Variants in TSHZ2 observed in about 807,000 individuals in gnomAD.
The protein encoded by TSHZ2 is teashirt zinc finger homeobox 2.
Under a neutral mutation model 74.4 loss-of-function variants are expected in TSHZ2, and 21 were observed. The ratio of observed to expected loss-of-function variants is 0.28; its 90% CI spans 0.20 to 0.41. TSHZ2 has a LOEUF of 0.41. Among genes scored for constraint, TSHZ2 ranks in the 10% least tolerant of loss-of-function variants. The pLI is 1.00. For synonymous variants in TSHZ2, 540 were observed against 515.3 expected, an observed-to-expected ratio of 1.05 and a Z score of -0.65; for missense variants, 1,244 against 1,293.5, an observed-to-expected ratio of 0.96 and a Z score of 0.59.
chr20:53,124,338 A>C (rs914446723), intron 1 of TSHZ2, among the ~76,000 whole-genome samples: 1 of 152,188 alleles, frequency 6.6e-6, no homozygotes, highest in African/African-American at 2.4e-5. Flanking sequence ...AATCACTTGA[A>C]TCCATTTGGA....
intron 1 of TSHZ2, among the ~76,000 whole-genome samples, chr20:53,124,207 C>A: frequency 6.6e-6 from 1 of 152,194 alleles, no homozygotes; most frequent in East Asian, 1.9e-4. Context: ...CCTGGGCCGG[C>A]CCTTCACTAC....
At chr20:53,288,752 G>T (rs1444399104) in intron 2 of TSHZ2, among the ~76,000 whole-genome samples, 1 of 152,146 alleles carries the variant, frequency 6.6e-6, no homozygotes, top group Non-Finnish European at 1.5e-5. Context: ...TAAGTGCTAA[G>T]AAGAGAAAAA....
At chr20:53,274,141 G>A (rs981357893) in intron 2 of TSHZ2, among the ~76,000 whole-genome samples, 66 of 152,244 alleles carry the variant, frequency 4.3e-4, no homozygotes, top group Admixed American at 3.3e-4. Flanking sequence ...GTGGTGGCGC[G>A]TGCCTGTAAT....
chr20:53,049,766 A>G (rs931608532), intron 1 of TSHZ2, among the ~76,000 whole-genome samples: 2 of 152,038 alleles, frequency 1.3e-5, no homozygotes, highest in Non-Finnish European at 2.9e-5. Context: ...CCTAAGGGGA[A>G]AAAAAGCAGC....
chr20:53,316,728 G>T (rs1239611146), intron 2 of TSHZ2, among the ~76,000 whole-genome samples: 1 of 152,026 alleles, frequency 6.6e-6, no homozygotes, highest in East Asian at 1.9e-4. Context: ...TTTTGGGTGA[G>T]TCATGCTCTC....
chr20:53,169,834 C>T (rs1158299920), intron 1 of TSHZ2, among the ~76,000 whole-genome samples: 1 of 152,136 alleles, frequency 6.6e-6, no homozygotes, highest in Non-Finnish European at 1.5e-5. Context: ...CCTATATATA[C>T]ATTGTATATT....
At chr20:53,245,967 C>G (rs988802956) in intron 1 of TSHZ2, among the ~76,000 whole-genome samples, 1 of 151,310 alleles carries the variant, frequency 6.6e-6, no homozygotes, top group African/African-American at 2.4e-5. Flanking sequence ...TGGGCCCAAA[C>G]AAAATACCTG....
intron 1 of TSHZ2, among the ~76,000 whole-genome samples, chr20:52,999,685 T>A (rs994081910): frequency 6.6e-6 from 1 of 152,190 alleles, no homozygotes; most frequent in African/African-American, 2.4e-5. Flanking sequence ...ACTGGAATCA[T>A]CAGAATCGCC....
At chr20:53,091,678 G>A (rs1293449) in intron 1 of TSHZ2, among the ~76,000 whole-genome samples, 142,105 of 152,286 alleles carry the variant, frequency 0.93, 66,399 homozygotes, top group African/African-American at 0.98. Flanking sequence ...TGCCAATGCA[G>A]CATTTATACT....
intron 1 of TSHZ2, among the ~76,000 whole-genome samples, chr20:53,111,718 C>A (rs1986538536): frequency 6.6e-6 from 1 of 152,172 alleles, no homozygotes; most frequent in African/African-American, 2.4e-5. Flanking sequence ...TGTTATTTCT[C>A]TAACCCAAGG....
intron 1 of TSHZ2, among the ~76,000 whole-genome samples, chr20:53,114,043 G>A (rs931646033): frequency 6.7e-6 from 1 of 150,308 alleles, no homozygotes; most frequent in African/African-American, 2.5e-5. Flanking sequence ...GCAGTGAGCT[G>A]TGATCATGCT....
chr20:53,206,175 C>A (rs984993284), intron 1 of TSHZ2, among the ~76,000 whole-genome samples: 2 of 152,190 alleles, frequency 1.3e-5, no homozygotes, highest in Admixed American at 6.5e-5. Flanking sequence ...GCCAACATTG[C>A]ACCGCTGCAC....
intron 2 of TSHZ2, among the ~76,000 whole-genome samples, chr20:53,427,638 C>T (rs1983700288): frequency 6.6e-6 from 1 of 152,156 alleles, no homozygotes; most frequent in Non-Finnish European, 1.5e-5. Context: ...AAATAGAGAA[C>T]AGAAATAGCT....
chr20:53,308,170 T>C (rs746811886), intron 2 of TSHZ2, among the ~76,000 whole-genome samples: 1 of 152,240 alleles, frequency 6.6e-6, no homozygotes, highest in Non-Finnish European at 1.5e-5. Context: ...TAGACATGTG[T>C]ACTGGGGAGT....
At chr20:53,047,218 A>G (rs1984260677) in intron 1 of TSHZ2, among the ~76,000 whole-genome samples, 1 of 152,204 alleles carries the variant, frequency 6.6e-6, no homozygotes, top group Non-Finnish European at 1.5e-5. Flanking sequence ...CATATCCTGA[A>G]AGATAACATG....
chr20:53,148,753 T>C (rs2123434036), intron 1 of TSHZ2, among the ~76,000 whole-genome samples: 1 of 152,288 alleles, frequency 6.6e-6, no homozygotes, highest in Middle Eastern at 3.4e-3. Context: ...AGGTTATTAA[T>C]CTTCAGGGTA....
At chr20:53,295,972 C>T (rs1439341735) in intron 2 of TSHZ2, among the ~76,000 whole-genome samples, 1 of 150,230 alleles carries the variant, frequency 6.7e-6, no homozygotes, top group African/African-American at 2.5e-5. Flanking sequence ...TAATGTTCTG[C>T]ACCTCATGCT....
intron 2 of TSHZ2, among the ~76,000 whole-genome samples, chr20:53,367,948 G>A (rs1981331182): frequency 6.6e-6 from 1 of 152,048 alleles, no homozygotes; most frequent in Non-Finnish European, 1.5e-5. Context: ...ATTGTTTCAG[G>A]AACTTCAGAT....
rs1427452293 is a variant in TSHZ2 at position 53,488,073 on chromosome 20, G to T, written c.*938G>T. ...CTTTCTGCAGAACCTGATGTTTATGGGCTCTAAAACGCAGCTTAGCTTTAG... is the reference window on the plus strand; with the variant it reads ...CTTTCTGCAGAACCTGATGTTTATGTGCTCTAAAACGCAGCTTAGCTTTAG... On this transcript the variant is annotated 3_prime_UTR_variant, in exon 3 of 3. Coordinates refer to ENST00000371497, the MANE Select transcript of TSHZ2 (RefSeq NM_173485.6). 6.6e-6 allele frequency: 1 copy of T among 152,098 alleles called. No individual in the cohort carries two copies. Among genetic ancestry groups the T allele is most frequent in the Admixed American group, 6.5e-5 (1 of 15,270 alleles). The allele number at this position is 152,098 out of a possible 1,614,324, so 9.4% of individuals were successfully genotyped here.
Sources: gnomAD v4.1 joint callset for allele counts (sites outside exome capture counted in the v4.1 genomes callset) on GRCh38, gnomAD v4.1.1 for gene constraint, MANE v1.5 for transcripts, NCBI Gene and HGNC (gene_info 2026-07-23, HGNC 2026-07-21) for gene names.